The following LIMCH1 variants were observed in gnomAD, a reference collection of about 807,000 sequenced individuals.
LIMCH1 encodes the protein LIM and calponin homology domains 1, also known as LIM and calponin homology domains-containing protein 1.
A neutral mutation model predicts 176.5 loss-of-function variants in LIMCH1; 113 were observed. The observed-to-expected ratio is 0.64, with a 90% CI of 0.55 to 0.75. The LOEUF (loss-of-function observed/expected upper bound fraction) is 0.75, where lower values mean the gene tolerates loss of function less well. Among genes scored for constraint, LIMCH1 ranks in the 30% least tolerant of loss-of-function variants. The pLI is 0.00. For synonymous variants in LIMCH1, 619 were observed against 645.9 expected (o/e 0.96, Z 0.63); for missense variants, 1,674 against 1,814.9 (o/e 0.92, Z 1.41).
At chr4:41,396,957 G>A (rs144596523) in intron 1 of LIMCH1, among the ~76,000 whole-genome samples, 1,790 of 152,150 alleles carry the variant, frequency 0.012, 132 homozygotes, top group Admixed American at 0.11. Context: ...TATGTTTGGA[G>A]TATAATGGTT....
chr4:41,390,906 C>T (rs2057158281), intron 1 of LIMCH1, among the ~76,000 whole-genome samples: 1 of 152,186 alleles, frequency 6.6e-6, no homozygotes, highest in South Asian at 2.1e-4. Context: ...GATGGCCACA[C>T]CTAGCTCTAA....
intron 1 of LIMCH1, among the ~76,000 whole-genome samples, chr4:41,575,417 C>A (rs1048564887): frequency 3.3e-5 from 5 of 152,134 alleles, no homozygotes; most frequent in African/African-American, 1.2e-4. Flanking sequence ...AAACTGGATT[C>A]ATTCAGGGGT....
chr4:41,519,191 G>A (rs893845332), intron 2 of LIMCH1, among the ~76,000 whole-genome samples: 1 of 152,170 alleles, frequency 6.6e-6, no homozygotes, highest in African/African-American at 2.4e-5. Flanking sequence ...ACACGTATGT[G>A]CACCATTCTG....
chr4:41,412,160 G>C (rs1391030758), intron 1 of LIMCH1, among the ~76,000 whole-genome samples: 1 of 152,096 alleles, frequency 6.6e-6, no homozygotes, highest in Non-Finnish European at 1.5e-5. Flanking sequence ...TCACAGCGGG[G>C]CATTGGAGTT....
chr4:41,398,747 G>A (rs1411909190), intron 1 of LIMCH1, among the ~76,000 whole-genome samples: 3 of 152,226 alleles, frequency 2.0e-5, no homozygotes, highest in African/African-American at 7.2e-5. Context: ...TCAGCATCTT[G>A]TAGGGAAAGG....
intron 23 of LIMCH1, among the ~76,000 whole-genome samples, chr4:41,677,385 A>G (rs1711717664): frequency 6.6e-6 from 1 of 152,104 alleles, no homozygotes; most frequent in Non-Finnish European, 1.5e-5. Context: ...TCCAGCCTGG[A>G]CGACAAAAAC....
chr4:41,689,139 TAA>T (rs967324263), intron 29 of LIMCH1, among the ~76,000 whole-genome samples: 7 of 152,180 alleles, frequency 4.6e-5, no homozygotes, highest in African/African-American at 1.7e-4. Context: ...ATGGGAAATT[TAA>T]AAGCAATATT....
intron 7 of LIMCH1, among the ~76,000 whole-genome samples, chr4:41,624,112 T>G (rs1480180096): frequency 3.3e-5 from 5 of 152,156 alleles, no homozygotes; most frequent in African/African-American, 1.2e-4. Context: ...GCCATGGAGA[T>G]TTGAGTTCTT....
intron 22 of LIMCH1, among the ~76,000 whole-genome samples, chr4:41,675,685 C>G (rs1326933220): frequency 6.9e-6 from 1 of 144,442 alleles, no homozygotes; most frequent in Non-Finnish European, 1.5e-5. Flanking sequence ...CCCTCCCAGT[C>G]TCATATTCTG....
intron 1 of LIMCH1, among the ~76,000 whole-genome samples, chr4:41,426,904 G>A (rs1487209556): frequency 6.6e-6 from 1 of 152,216 alleles, no homozygotes; most frequent in East Asian, 1.9e-4. Context: ...CTTGGTATAT[G>A]AAAATAATAT....
At chr4:41,419,603 CGTCCTTCCTTCCTTCCTTCCTTCCT>C (rs2060310816) in intron 1 of LIMCH1, among the ~76,000 whole-genome samples, 11 of 65,428 alleles carry the variant, frequency 1.7e-4, no homozygotes, top group African/African-American at 1.3e-3. Flanking sequence ...TCCTTCCTTC[CGTCCTTCCTTCCTTCCTTCCTTCCT>C]TCCTTCCTCC....
chr4:41,689,553 C>T lies in LIMCH1; in HGVS notation c.4193C>T (p.Ser1398Phe). The change falls in exon 30 of 32, where the codon TCT (serine) becomes TTT (phenylalanine). Residue 1398 changes from serine to phenylalanine, a missense_variant. By Grantham distance (155) the Ser-to-Phe change is radical. This residue lies in a region of LIMCH1 where 1,015 missense variants were observed against 1,102.5 expected (regional missense o/e 0.92). Coordinates refer to ENST00000503057, the MANE Select transcript of LIMCH1 (RefSeq NM_001330672.2). ...TCTATAAGTGGAAAGAAGCTGTGCTCTTCCTGTGGGCTTCCTTTGGGTAAA... is the reference window on the plus strand; with the variant it reads ...TCTATAAGTGGAAAGAAGCTGTGCTTTTCCTGTGGGCTTCCTTTGGGTAAA... ...NRSISGKKLC[S>F]SCGLPLGKGA... 4.3e-6 allele frequency: 7 copies of T among 1,610,558 alleles called. No homozygotes were observed. Among genetic ancestry groups the T allele is most frequent in the Non-Finnish European group, 5.9e-6 (7 of 1,176,880 alleles).
intron 1 of LIMCH1, among the ~76,000 whole-genome samples, chr4:41,367,599 G>T (rs2053222973): frequency 6.6e-6 from 1 of 150,970 alleles, no homozygotes; most frequent in East Asian, 2.0e-4. Context: ...CCAGCACTAT[G>T]GGAGGCCAAG....
chr4:41,364,961 T>TCCTGATTCC (rs1458802994), intron 1 of LIMCH1, among the ~76,000 whole-genome samples: 1 of 152,232 alleles, frequency 6.6e-6, no homozygotes, highest in Non-Finnish European at 1.5e-5. Flanking sequence ...ACTCTGATTT[T>TCCTGATTCC]CCTGATTCCC....
At chr4:41,663,954 T>C (rs1560287648) in intron 20 of LIMCH1, among the ~76,000 whole-genome samples, 1 of 151,034 alleles carries the variant, frequency 6.6e-6, no homozygotes, top group Admixed American at 6.6e-5. Flanking sequence ...GGTGGGAGGA[T>C]CACTTAGCCC....
intron 1 of LIMCH1, among the ~76,000 whole-genome samples, chr4:41,573,499 A>C (rs2083900811): frequency 6.6e-6 from 1 of 152,128 alleles, no homozygotes; most frequent in African/African-American, 2.4e-5. Flanking sequence ...TCCAGCCTTC[A>C]TTTTCCCTGG....
At chr4:41,647,760 T>C (rs2094125591) in intron 17 of LIMCH1, among the ~76,000 whole-genome samples, 1 of 152,232 alleles carries the variant, frequency 6.6e-6, no homozygotes, top group East Asian at 1.9e-4. Context: ...CTTGCTGTAT[T>C]TCAAAGAGAA....
chr4:41,633,199 C>T (rs1004459235), intron 12 of LIMCH1, 114 bp downstream of exon 12: 49 of 734,774 alleles, frequency 6.7e-5, no homozygotes, highest in Non-Finnish European at 6.7e-5. Flanking sequence ...ACTGATAGAG[C>T]GTGGAGTAAA....
At chr4:41,546,329 G>C (rs1019756287) in intron 1 of LIMCH1, among the ~76,000 whole-genome samples, 2 of 151,846 alleles carry the variant, frequency 1.3e-5, no homozygotes, top group Admixed American at 6.6e-5. Context: ...CATAGAGATG[G>C]GGTTTCACCA....
Sources: gnomAD v4.1 joint callset for allele counts (sites outside exome capture counted in the v4.1 genomes callset) on GRCh38, gnomAD v4.1.1 for gene constraint, gnomAD v4.1.1 regional missense constraint, MANE v1.5 for transcripts, NCBI Gene and HGNC (gene_info 2026-07-23, HGNC 2026-07-21) for gene names.